The following USH2A variants were observed in gnomAD, a reference collection of about 807,000 sequenced individuals.
USH2A encodes the protein Usher syndrome 2A (autosomal recessive, mild).
USH2A carries 443 observed loss-of-function variants against 538.9 expected under a neutral mutation model. That is an observed-to-expected ratio of 0.82 (90% CI 0.76 to 0.89). The LOEUF is 0.89. Among genes scored for constraint, USH2A ranks in the 40% least tolerant of loss-of-function variants. The pLI, the probability that USH2A is intolerant of heterozygous loss-of-function variation, is 0.00. For synonymous variants in USH2A, 2,413 were observed against 2,273.5 expected, an observed-to-expected ratio of 1.06 and a Z score of -1.75; for missense variants, 6,633 against 6,324.8, an observed-to-expected ratio of 1.05 and a Z score of -1.65.
intron 29 of USH2A, among the ~76,000 whole-genome samples, chr1:216,071,968 T>G (rs898080275): frequency 6.6e-6 from 1 of 152,218 alleles, no homozygotes; most frequent in African/African-American, 2.4e-5. Context: ...TGAAAATTAT[T>G]CTTAGTTGCT....
In USH2A at chr1:216,175,137, A is replaced by C. The variant is rs543799882; in HGVS notation, c.4627+115T>G. ...TCAGGCAAAAGCTATCAAAGGGCTG[A>C]ATTAGTATTTCTCTAAGTAGGTATA... On this transcript the variant is annotated intron_variant, in intron 21 of 71. Coordinates refer to ENST00000307340, the MANE Select transcript of USH2A (RefSeq NM_206933.4). 4 of 1,536,534 alleles carry C rather than the reference A, an allele frequency of 2.6e-6. No individual in the cohort carries two copies. The Admixed American group carries it at 5.8e-5, about 22-fold the overall frequency.
chr1:215,842,528 A>G (rs1338342492), intron 46 of USH2A, among the ~76,000 whole-genome samples: 1 of 152,208 alleles, frequency 6.6e-6, no homozygotes, highest in Non-Finnish European at 1.5e-5. Context: ...TTGCAGCACT[A>G]TTAACAATAG....
At chr1:215,924,473 C>G (rs559866254) in intron 38 of USH2A, among the ~76,000 whole-genome samples, 4 of 152,026 alleles carry the variant, frequency 2.6e-5, no homozygotes, top group African/African-American at 9.6e-5. Flanking sequence ...GTCAGGCATA[C>G]AGTTTGTCTA....
intron 21 of USH2A, among the ~76,000 whole-genome samples, chr1:216,116,817 CATT>C (rs1174390721): frequency 6.6e-6 from 1 of 151,620 alleles, no homozygotes; most frequent in Non-Finnish European, 1.5e-5. Context: ...GCTAATCTAA[CATT>C]ATGACAGAAG....
chr1:216,301,459 C>A (rs2037215447), intron 9 of USH2A, among the ~76,000 whole-genome samples: 1 of 152,130 alleles, frequency 6.6e-6, no homozygotes. Flanking sequence ...CCTTCAAAGA[C>A]CTCACTTCTA....
At chr1:216,083,278 G>A (rs992270537) in intron 26 of USH2A, 178 bp downstream of exon 26, 7 of 569,456 alleles carry the variant, frequency 1.2e-5, no homozygotes, top group African/African-American at 1.9e-5. Flanking sequence ...AAATTACTAG[G>A]ATAATAAAAT....
At position 215,743,159 on chromosome 1, in the gene USH2A, T is replaced by C. The variant is rs1558078377; in HGVS notation, c.11548+18A>G. On this transcript the variant is annotated intron_variant, in intron 59 of 71. Transcript: ENST00000307340. ...CTTTTTCATAAAAGCCCAGGCCAAG[T>C]GTCTGAAAGACTTTCACCATTTTGA... The C allele has an allele frequency of 1.1e-5, 18 of 1,606,728 alleles. No individual in the cohort carries two copies. Among genetic ancestry groups the C allele is most frequent in the Non-Finnish European group, 1.5e-5 (18 of 1,175,562 alleles).
intron 32 of USH2A, among the ~76,000 whole-genome samples, chr1:216,003,474 C>A (rs1381920996): frequency 6.6e-6 from 1 of 151,932 alleles, no homozygotes; most frequent in African/African-American, 2.4e-5. Flanking sequence ...TCAGCAGAGG[C>A]CTCATTGGGA....
At chr1:215,970,903 C>T in intron 35 of USH2A, 127 bp from the exon 36 acceptor site, 1 of 961,028 alleles carries the variant, frequency 1.0e-6, no homozygotes, top group Non-Finnish European at 1.6e-6. Context: ...TCTGGTATTT[C>T]TCCTTGTCTA....
At chr1:215,912,873 A>G (rs1401749271) in intron 38 of USH2A, among the ~76,000 whole-genome samples, 1 of 151,848 alleles carries the variant, frequency 6.6e-6, no homozygotes, top group African/African-American at 2.4e-5. Context: ...ATTCTCATGT[A>G]GCTCTCACCT....
intron 34 of USH2A, among the ~76,000 whole-genome samples, chr1:215,993,393 G>T (rs570639257): frequency 6.6e-6 from 1 of 152,264 alleles, no homozygotes; most frequent in East Asian, 1.9e-4. Context: ...GAGATGGTAT[G>T]AATGTATGAA....
chr1:215,647,620 C>T lies in USH2A; in HGVS notation c.14693G>A (p.Gly4898Asp). The T allele has an allele frequency of 6.2e-7, 1 of 1,614,102 alleles. No homozygotes were observed. The highest frequency in any genetic ancestry group is 8.5e-7 in the Non-Finnish European group (1 of 1,180,024). The change falls in exon 67 of 72, where the codon GGT (glycine) becomes GAT (aspartate). Residue 4898 changes from glycine to aspartate, a missense_variant. Coordinates refer to ENST00000307340, the MANE Select transcript of USH2A (RefSeq NM_206933.4). ...CTTGTATGTGGTGTAGGGCTGGAGA[C>T]CCCCAAGGCTGGCTTTCTGCCCCAG... Reference protein sequence around the residue: ...TGLGQKASLGGLQPYTTYKLR... With the variant: ...TGLGQKASLGDLQPYTTYKLR...
chr1:215,682,932 C>T (rs2820675), intron 61 of USH2A, among the ~76,000 whole-genome samples: 51,042 of 151,538 alleles, frequency 0.34, 8,880 homozygotes, highest in South Asian at 0.56. Flanking sequence ...GATCATGGCT[C>T]GGTGCAGCCT....
chr1:216,267,855 A>G (rs1276738262), intron 11 of USH2A, among the ~76,000 whole-genome samples: 1 of 152,122 alleles, frequency 6.6e-6, no homozygotes, highest in Non-Finnish European at 1.5e-5. Flanking sequence ...CCCACAGTAT[A>G]CATATTTTAC....
intron 18 of USH2A, 111 bp downstream of exon 18, chr1:216,198,204 G>T (rs1572040210): frequency 1.3e-6 from 2 of 1,522,894 alleles, no homozygotes; most frequent in Middle Eastern, 1.8e-4. Context: ...GTCTATGGAA[G>T]TTTCTAATTC....
In USH2A at chr1:216,314,035, T is replaced by C. The variant is rs535948484; in HGVS notation, c.1644+7848A>G. ...TTGGATTCATTATATTATACCTATG[T>C]ATGCATTTACTTTTCTTAGCCTACT... is the stretch of plus-strand genomic sequence containing the variant. On this transcript the variant is annotated intron_variant, in intron 9 of 71. Transcript: ENST00000307340. Among the ~76,000 whole-genome samples the C allele has an allele frequency of 7.9e-5, 12 of 152,336 alleles. No individual in the cohort carries two copies. The South Asian group carries it at 2.1e-3, about 26-fold the overall frequency.
intron 61 of USH2A, among the ~76,000 whole-genome samples, chr1:215,701,313 A>G (rs920645890): frequency 2.0e-5 from 3 of 152,170 alleles, no homozygotes; most frequent in African/African-American, 4.8e-5. Flanking sequence ...GTAGATGTCT[A>G]TTAGGTCTGT....
rs112153911 is a variant in USH2A at position 215,693,116 on chromosome 1, G to GTGTATATATA, written c.12067-12741_12067-12740insTATATATACA. 3.1e-4 allele frequency among the ~76,000 whole-genome samples: 41 copies of GTGTATATATA among 133,544 alleles called. 1 individual carries two copies. Among genetic ancestry groups the GTGTATATATA allele is most frequent in the Middle Eastern group, 8.2e-3 (2 of 244 alleles). The allele number at this position is 133,544 out of a possible 152,430, so 87.6% of individuals were successfully genotyped here. On this transcript the variant is annotated intron_variant, in intron 61 of 71. Transcript: ENST00000307340. Reference sequence around the variant, plus strand: ...TATGTGTGTGTGTGTGTGTGTATGTGTATATATATATATATATACACACAC... The same window carrying GTGTATATATA: ...TATGTGTGTGTGTGTGTGTGTATGTGTGTATATATATATATATATATATATATACACACAC...
intron 47 of USH2A, among the ~76,000 whole-genome samples, chr1:215,830,412 G>A (rs895781980): frequency 6.6e-6 from 1 of 152,154 alleles, no homozygotes; most frequent in Admixed American, 6.5e-5. Flanking sequence ...ATCAGGAAAT[G>A]GGGCCTCTAT....
Sources: gnomAD v4.1 joint callset for allele counts (sites outside exome capture counted in the v4.1 genomes callset) on GRCh38, gnomAD v4.1.1 for gene constraint, MANE v1.5 for transcripts, NCBI Gene and HGNC (gene_info 2026-07-23, HGNC 2026-07-21) for gene names.